Variants in QTMAN observed in about 807,000 individuals in gnomAD.
QTMAN encodes the protein queuosine-tRNA mannosyltransferase.
At chr2:144,035,585 T>C in the QTMAN span, among the ~76,000 whole-genome samples, 1 of 152,126 alleles carries the variant, frequency 6.6e-6, no homozygotes, top group African/African-American at 2.4e-5. Flanking sequence ...AGAATCTGTA[T>C]GTCAAATGCA....
chr2:143,986,633 T>C, the QTMAN span, among the ~76,000 whole-genome samples: 1 of 152,212 alleles, frequency 6.6e-6, no homozygotes, highest in East Asian at 1.9e-4. Flanking sequence ...AAATATTATT[T>C]GATGGATAGA....
the QTMAN span, among the ~76,000 whole-genome samples, chr2:144,261,036 T>C: frequency 6.6e-6 from 1 of 152,180 alleles, no homozygotes; most frequent in Non-Finnish European, 1.5e-5. Flanking sequence ...AAAAAACTGT[T>C]TTCTCTCACT....
the QTMAN span, among the ~76,000 whole-genome samples, chr2:144,081,066 C>T: frequency 6.6e-6 from 1 of 152,144 alleles, no homozygotes; most frequent in Admixed American, 6.5e-5. Context: ...TATTGAAAAA[C>T]CTTTAACTGC....
At chr2:144,018,829 G>A in the QTMAN span, among the ~76,000 whole-genome samples, 7,240 of 152,240 alleles carry the variant, frequency 0.048, 272 homozygotes, top group African/African-American at 0.099. Flanking sequence ...GAAAGAATTA[G>A]GTGATACAAG....
the QTMAN span, among the ~76,000 whole-genome samples, chr2:144,332,132 A>G: frequency 6.6e-6 from 1 of 152,114 alleles, no homozygotes; most frequent in South Asian, 2.1e-4. Context: ...GCACCAAAAA[A>G]ACGCAATTCG....
chr2:144,106,513 T>C, the QTMAN span, among the ~76,000 whole-genome samples: 6 of 152,128 alleles, frequency 3.9e-5, no homozygotes, highest in African/African-American at 9.7e-5. Flanking sequence ...CAAAGAAGGC[T>C]ATTACATAAT....
the QTMAN span, among the ~76,000 whole-genome samples, chr2:144,239,474 G>A: frequency 6.6e-6 from 1 of 152,068 alleles, no homozygotes; most frequent in African/African-American, 2.4e-5. Flanking sequence ...CTAACCAGAA[G>A]TGATGCTGCT....
the QTMAN span, among the ~76,000 whole-genome samples, chr2:144,253,425 G>A: frequency 6.6e-6 from 1 of 152,132 alleles, no homozygotes; most frequent in Admixed American, 6.5e-5. Context: ...CAGTTTGGAG[G>A]GCTCAGAAGA....
the QTMAN span, among the ~76,000 whole-genome samples, chr2:144,123,658 T>G: frequency 6.6e-6 from 1 of 152,156 alleles, no homozygotes; most frequent in Non-Finnish European, 1.5e-5. Context: ...TTTGGATATA[T>G]CTAAGAATAT....
the QTMAN span, among the ~76,000 whole-genome samples, chr2:144,092,868 GGGGTGTGTGTGTGTGT>G: frequency 1.1e-5 from 1 of 89,444 alleles, no homozygotes; most frequent in African/African-American, 6.4e-5. Flanking sequence ...ATAAACTTTT[GGGGTGTGTGTGTGTGT>G]GTGTGTGTGT....
At chr2:144,187,186 G>A in the QTMAN span, among the ~76,000 whole-genome samples, 1 of 152,144 alleles carries the variant, frequency 6.6e-6, no homozygotes, top group Non-Finnish European at 1.5e-5. Context: ...CAGAATACCT[G>A]AGACTGAATA....
At chr2:144,098,790 C>T in the QTMAN span, among the ~76,000 whole-genome samples, 4 of 149,728 alleles carry the variant, frequency 2.7e-5, no homozygotes, top group African/African-American at 7.4e-5. Flanking sequence ...CTAAGGTAAA[C>T]GGCACTTAAC....
chr2:143,987,316 C>T, the QTMAN span, among the ~76,000 whole-genome samples: 1 of 152,218 alleles, frequency 6.6e-6, no homozygotes, highest in African/African-American at 2.4e-5. Flanking sequence ...AAGACAAACA[C>T]TATTTCCATT....
At chr2:144,115,858 G>C in the QTMAN span, among the ~76,000 whole-genome samples, 1 of 152,104 alleles carries the variant, frequency 6.6e-6, no homozygotes, top group Non-Finnish European at 1.5e-5. Flanking sequence ...GCAAGCAAAT[G>C]GTATTCAGAG....
chr2:144,163,743 T>C, the QTMAN span, among the ~76,000 whole-genome samples: 1 of 152,188 alleles, frequency 6.6e-6, no homozygotes, highest in Non-Finnish European at 1.5e-5. Flanking sequence ...ATAGATACAC[T>C]ATTTAACAAC....
At chr2:143,987,155 A>C in the QTMAN span, among the ~76,000 whole-genome samples, 1 of 152,186 alleles carries the variant, frequency 6.6e-6, no homozygotes, top group Non-Finnish European at 1.5e-5. Context: ...GCTCTGGCAC[A>C]AGAGATGAGA....
the QTMAN span, among the ~76,000 whole-genome samples, chr2:144,168,901 A>T: frequency 2.0e-5 from 3 of 152,094 alleles, no homozygotes; most frequent in South Asian, 4.1e-4. Flanking sequence ...AAGTAAAAAA[A>T]CCATTAAGCT....
chr2:144,026,830 T>C, the QTMAN span, among the ~76,000 whole-genome samples: 8 of 152,340 alleles, frequency 5.3e-5, no homozygotes, highest in South Asian at 6.2e-4. Context: ...TTTATCCTCA[T>C]TACCATCATC....
chr2:144,210,984 C>T, the QTMAN span: 1 of 152,074 alleles, frequency 6.6e-6, no homozygotes, highest in South Asian at 2.1e-4. Flanking sequence ...GTGATATAAA[C>T]CACTCTAAAG....
Sources: gnomAD v4.1 joint callset for allele counts (sites outside exome capture counted in the v4.1 genomes callset) on GRCh38, gnomAD v4.1.1 for gene constraint, MANE v1.5 for transcripts, NCBI Gene and HGNC (gene_info 2026-07-23, HGNC 2026-07-21) for gene names.